Variants in WIPF3 observed in about 807,000 individuals in gnomAD.
WIPF3 encodes the protein WAS/WASL-interacting protein family member 3.
A neutral mutation model predicts 38.9 loss-of-function variants in WIPF3; 33 were observed. That is an observed-to-expected ratio of 0.85 (90% CI 0.64 to 1.14). WIPF3 has a LOEUF of 1.14. Among genes scored for constraint, WIPF3 ranks in the 50% most tolerant of loss-of-function variants. The probability of loss-of-function intolerance (pLI) is 0.00; values close to 1 mark genes in which losing one functional copy is unlikely to be tolerated. For synonymous variants in WIPF3, 324 were observed against 269.3 expected (o/e 1.20, Z -1.99); for missense variants, 711 against 652.5 (o/e 1.09, Z -0.98).
At chr7:29,840,168 G>T (rs929374009) in intron 2 of WIPF3, among the ~76,000 whole-genome samples, 9 of 152,174 alleles carry the variant, frequency 5.9e-5, no homozygotes, top group African/African-American at 2.2e-4. Flanking sequence ...AGTAGCCAGA[G>T]ATCTTGCATG....
At chr7:29,886,265 A>G (rs1466927083) in intron 5 of WIPF3, among the ~76,000 whole-genome samples, 1 of 150,928 alleles carries the variant, frequency 6.6e-6, no homozygotes, top group African/African-American at 2.4e-5. Context: ...ACTGGTCACC[A>G]TGAGGGCCAG....
intron 1 of WIPF3, among the ~76,000 whole-genome samples, chr7:29,815,394 G>A (rs572090764): frequency 2.2e-4 from 34 of 152,284 alleles, no homozygotes; most frequent in African/African-American, 7.2e-4. Flanking sequence ...ATTTGCCTGC[G>A]GACATAGAAG....
chr7:29,809,612 C>T lies in WIPF3; in HGVS notation c.-58+2934C>T, dbSNP rs550011101. Among the ~76,000 whole-genome samples, 15 of 152,358 alleles carry T rather than the reference C, an allele frequency of 9.8e-5. No individual in the cohort carries two copies. The East Asian group carries it at 2.5e-3, about 25-fold the overall frequency. ...ATGCCTTTCCCCAGCCGATGCTGGG[C>T]AGGGGCAGCACACGTGTTTTCTCAC... On this transcript the variant is annotated intron_variant, in intron 1 of 8. Transcript: ENST00000242140.
Position 29,875,813 on chromosome 7 carries a change from C to T in WIPF3, c.91-17C>T, listed in dbSNP as rs1207645375. 5.0e-6 allele frequency: 8 copies of T among 1,610,136 alleles called. No homozygotes were observed. In the African/African-American group the frequency reaches 1.1e-4, roughly 22 times the overall value. ...TGAAAATGCTACTATAGTCAAATCC[C>T]TTTTACTCCCTTACAGGTAAGCACA... is the stretch of plus-strand genomic sequence containing the variant. On this transcript the variant is annotated splice_polypyrimidine_tract_variant and intron_variant, in intron 2 of 8. Coordinates refer to ENST00000242140, the MANE Select transcript of WIPF3 (RefSeq NM_001080529.3).
chr7:29,859,705 T>C (rs1171706670), intron 2 of WIPF3, among the ~76,000 whole-genome samples: 1 of 152,128 alleles, frequency 6.6e-6, no homozygotes, highest in Admixed American at 6.6e-5. Flanking sequence ...CTGAGCCAGT[T>C]TCCTCTCGAT....
chr7:29,814,247 C>T (rs174922), intron 1 of WIPF3, among the ~76,000 whole-genome samples: 40,762 of 152,018 alleles, frequency 0.27, 6,382 homozygotes, highest in Admixed American at 0.39. Context: ...TTTGTGTTTT[C>T]TTGTATACCC....
intron 4 of WIPF3, among the ~76,000 whole-genome samples, chr7:29,883,221 G>A (rs1245793101): frequency 1.3e-5 from 2 of 152,224 alleles, no homozygotes; most frequent in Non-Finnish European, 1.5e-5. Context: ...ATTAGCATAA[G>A]TCTTTGGGAA....
intron 2 of WIPF3, among the ~76,000 whole-genome samples, chr7:29,862,622 C>G (rs777126428): frequency 6.6e-6 from 1 of 152,098 alleles, no homozygotes; most frequent in African/African-American, 2.4e-5. Flanking sequence ...AGTTTGTGTC[C>G]GTTAATGGGG....
intron 2 of WIPF3, among the ~76,000 whole-genome samples, chr7:29,841,734 C>T (rs958267417): frequency 1.3e-5 from 2 of 152,184 alleles, no homozygotes; most frequent in African/African-American, 4.8e-5. Context: ...ATGGCTTGAA[C>T]CCAAGAGGCG....
Position 29,888,500 on chromosome 7 carries a change from C to CGTGTGTGTGT in WIPF3, c.1249+292_1249+293insTGTGTGTGTG, listed in dbSNP as rs756243450. Among the ~76,000 whole-genome samples, 47 of 138,684 alleles carry CGTGTGTGTGT rather than the reference C, an allele frequency of 3.4e-4. 1 individual carries two copies. Among genetic ancestry groups the CGTGTGTGTGT allele is most frequent in the African/African-American group, 1.2e-3 (45 of 36,684 alleles). The allele number at this position is 138,684 out of a possible 152,430, so 91.0% of individuals were successfully genotyped here. On this transcript the variant is annotated intron_variant, in intron 6 of 8. Transcript: ENST00000242140. ...AACTGTGTGAGTGTGTGTGCGTGTGCGTGTGTGTGCGTGTGTGTGTGTGTG... is the reference window on the plus strand; with the variant it reads ...AACTGTGTGAGTGTGTGTGCGTGTGCGTGTGTGTGTGTGTGTGTGCGTGTGTGTGTGTGTG...
At chr7:29,842,502 T>TG (rs1784928564) in intron 2 of WIPF3, among the ~76,000 whole-genome samples, 1 of 152,220 alleles carries the variant, frequency 6.6e-6, no homozygotes, top group Non-Finnish European at 1.5e-5. Flanking sequence ...GCCAGAGTCT[T>TG]TGCTTTCAGG....
intron 7 of WIPF3, among the ~76,000 whole-genome samples, chr7:29,894,592 T>C (rs1475139673): frequency 6.6e-6 from 1 of 152,166 alleles, no homozygotes; most frequent in African/African-American, 2.4e-5. Flanking sequence ...GCCTGTCTGA[T>C]TACATTTCTC....
In WIPF3 at chr7:29,832,646, G is replaced by T. The variant is rs889397252; in HGVS notation, c.-57-2022G>T. Among the ~76,000 whole-genome samples the T allele has an allele frequency of 3.3e-5, 5 of 152,158 alleles. No homozygotes were observed. In the South Asian group the frequency reaches 6.2e-4, roughly 19 times the overall value. On this transcript the variant is annotated intron_variant, in intron 1 of 8. Transcript: ENST00000242140. ...AATACTTTGTAAGAAAAGTGTAGTT[G>T]TGTACAACAATCAGCTTATGCACCT... is the stretch of plus-strand genomic sequence containing the variant.
At chr7:29,855,058 C>T (rs1354611853) in intron 2 of WIPF3, among the ~76,000 whole-genome samples, 1 of 152,194 alleles carries the variant, frequency 6.6e-6, no homozygotes, top group East Asian at 1.9e-4. Context: ...TCTTAGCAAG[C>T]GTGTGCAGAA....
At chr7:29,884,766 C>T (rs529596431) in intron 5 of WIPF3, among the ~76,000 whole-genome samples, 173 bp downstream of exon 5, 5 of 152,228 alleles carry the variant, frequency 3.3e-5, no homozygotes, top group Non-Finnish European at 5.9e-5. Context: ...CGGCCTTGAT[C>T]CCCTGCCCTT....
chr7:29,839,667 T>C (rs1183541223), intron 2 of WIPF3, among the ~76,000 whole-genome samples: 1 of 152,228 alleles, frequency 6.6e-6, no homozygotes, highest in Non-Finnish European at 1.5e-5. Flanking sequence ...CTGTTTTTTA[T>C]CGTCCTCCAG....
intron 2 of WIPF3, among the ~76,000 whole-genome samples, chr7:29,849,625 G>T (rs1451543594): frequency 2.0e-5 from 3 of 152,190 alleles, no homozygotes; most frequent in African/African-American, 7.2e-5. Context: ...AGGTGGTGAG[G>T]GGGAAGGAGC....
intron 2 of WIPF3, among the ~76,000 whole-genome samples, chr7:29,870,237 T>C (rs999652635): frequency 6.6e-6 from 1 of 152,056 alleles, no homozygotes; most frequent in Non-Finnish European, 1.5e-5. Flanking sequence ...TTATGCATCG[T>C]GAGGGGATTT....
At chr7:29,852,461 G>A (rs909704632) in intron 2 of WIPF3, among the ~76,000 whole-genome samples, 3 of 152,208 alleles carry the variant, frequency 2.0e-5, no homozygotes, top group Non-Finnish European at 4.4e-5. Flanking sequence ...ACAAAATCAT[G>A]TACAGCCTTG....
Sources: allele counts gnomAD v4.1 joint callset (sites outside exome capture counted in the v4.1 genomes callset), GRCh38; gene constraint gnomAD v4.1.1; transcripts MANE v1.5; gene names NCBI Gene and HGNC (gene_info 2026-07-23, HGNC 2026-07-21).